LDB2: variants seen among roughly 807,000 people sequenced by gnomAD.
LDB2 encodes LIM domain binding 2, also known as LIM domain-binding protein 2.
LDB2 carries 12 observed loss-of-function variants against 44.3 expected under a neutral mutation model. That is an observed-to-expected ratio of 0.27 (90% CI 0.17 to 0.44). LDB2 has a LOEUF of 0.44. Among genes scored for constraint, LDB2 ranks in the 20% least tolerant of loss-of-function variants. The probability of loss-of-function intolerance (pLI) is 1.00; values close to 1 mark genes in which losing one functional copy is unlikely to be tolerated. For synonymous variants in LDB2, 164 were observed against 174.8 expected (o/e 0.94, Z 0.49); for missense variants, 344 against 473.5 (o/e 0.73, Z 2.54).
intron 1 of LDB2, among the ~76,000 whole-genome samples, chr4:16,896,168 A>G (rs13127571): frequency 0.055 from 8,424 of 152,276 alleles, 265 homozygotes; most frequent in African/African-American, 0.064. Flanking sequence ...AGGTTTAAAA[A>G]AATCTTTAAG....
intron 5 of LDB2, among the ~76,000 whole-genome samples, chr4:16,539,158 C>G (rs1484376634): frequency 3.3e-5 from 5 of 152,062 alleles, no homozygotes; most frequent in African/African-American, 7.2e-5. Context: ...TCAAGGAAAA[C>G]CTTTACAGAT....
intron 1 of LDB2, among the ~76,000 whole-genome samples, chr4:16,877,533 T>C (rs1172241445): frequency 6.6e-6 from 1 of 152,246 alleles, no homozygotes; most frequent in African/African-American, 2.4e-5. Flanking sequence ...CCAATACTTT[T>C]GAAGGTATTC....
At chr4:16,798,457 AG>A in intron 1 of LDB2, among the ~76,000 whole-genome samples, 1 of 152,352 alleles carries the variant, frequency 6.6e-6, no homozygotes, top group African/African-American at 2.4e-5. Flanking sequence ...CCAAGAAATA[AG>A]AGAAAAAATA....
At chr4:16,607,319 T>G (rs1449725954) in intron 2 of LDB2, among the ~76,000 whole-genome samples, 1 of 152,244 alleles carries the variant, frequency 6.6e-6, no homozygotes, top group Non-Finnish European at 1.5e-5. Context: ...TCATCTCTTC[T>G]GTTTTATCCA....
At chr4:16,660,025 A>G (rs1741113321) in intron 2 of LDB2, among the ~76,000 whole-genome samples, 1 of 152,176 alleles carries the variant, frequency 6.6e-6, no homozygotes, top group Admixed American at 6.5e-5. Context: ...GGGTACAGTT[A>G]GCAATGTCTG....
At chr4:16,672,296 C>T (rs1744975074) in intron 2 of LDB2, among the ~76,000 whole-genome samples, 1 of 152,180 alleles carries the variant, frequency 6.6e-6, no homozygotes, top group South Asian at 2.1e-4. Flanking sequence ...AGTCTAACCC[C>T]TAACTCTACT....
At chr4:16,776,978 C>T (rs1296919889) in intron 1 of LDB2, among the ~76,000 whole-genome samples, 1 of 152,160 alleles carries the variant, frequency 6.6e-6, no homozygotes, top group African/African-American at 2.4e-5. Context: ...CAATAACACC[C>T]CCTTCAGTTG....
chr4:16,578,373 T>C (rs1712720399), intron 5 of LDB2, among the ~76,000 whole-genome samples: 2 of 152,078 alleles, frequency 1.3e-5, no homozygotes, highest in Admixed American at 6.6e-5. Flanking sequence ...GATCTGATAA[T>C]CTGATTAAAA....
chr4:16,868,032 G>A lies in LDB2; in HGVS notation c.132+30322C>T, dbSNP rs377349936. On this transcript the variant is annotated intron_variant, in intron 1 of 7. Coordinates refer to ENST00000304523, the MANE Select transcript of LDB2 (RefSeq NM_001290.5). ...AGCCCAGAAAGATTGTCATTATAAAGCCCTACAGTAGTTACATATGCATTT... is the reference window on the plus strand; with the variant it reads ...AGCCCAGAAAGATTGTCATTATAAAACCCTACAGTAGTTACATATGCATTT... 7.2e-5 allele frequency among the ~76,000 whole-genome samples: 11 copies of A among 152,264 alleles called. No individual in the cohort carries two copies. In the East Asian group the frequency reaches 1.5e-3, roughly 21 times the overall value.
At chr4:16,722,595 C>A (rs780224425) in intron 2 of LDB2, among the ~76,000 whole-genome samples, 1 of 152,122 alleles carries the variant, frequency 6.6e-6, no homozygotes, top group Non-Finnish European at 1.5e-5. Flanking sequence ...AAGATGCCAT[C>A]GTATCCTAAA....
chr4:16,874,407 A>G (rs1717740930), intron 1 of LDB2, among the ~76,000 whole-genome samples: 1 of 152,226 alleles, frequency 6.6e-6, no homozygotes, highest in African/African-American at 2.4e-5. Flanking sequence ...CATGTTTTAC[A>G]ATTAGACTAT....
chr4:16,674,687 G>C (rs1475161346), intron 2 of LDB2, among the ~76,000 whole-genome samples: 1 of 152,060 alleles, frequency 6.6e-6, no homozygotes, highest in Non-Finnish European at 1.5e-5. Flanking sequence ...ACATCAGTTG[G>C]GATCTATGAA....
intron 2 of LDB2, among the ~76,000 whole-genome samples, chr4:16,723,625 T>C (rs192517431): frequency 2.4e-4 from 36 of 152,234 alleles, no homozygotes; most frequent in African/African-American, 8.2e-4. Context: ...AACTGTCTTC[T>C]CTTGATTTTA....
intron 2 of LDB2, among the ~76,000 whole-genome samples, chr4:16,727,940 G>A (rs943011775): frequency 2.6e-5 from 4 of 152,158 alleles, no homozygotes; most frequent in African/African-American, 9.7e-5. Context: ...AAGGTTTACA[G>A]TCTAACCATT....
At chr4:16,759,088 C>T (rs1767313648) in intron 2 of LDB2, 70 bp downstream of exon 2, 1 of 975,952 alleles carries the variant, frequency 1.0e-6, no homozygotes, top group Admixed American at 1.8e-5. Context: ...GTGCTATTCT[C>T]TGAAGACCCC....
chr4:16,578,429 A>T (rs1712757857), intron 5 of LDB2, among the ~76,000 whole-genome samples: 1 of 152,172 alleles, frequency 6.6e-6, no homozygotes, highest in South Asian at 2.1e-4. Context: ...GAGACATACA[A>T]ATGGCAAACA....
chr4:16,846,672 G>T (rs76341040), intron 1 of LDB2, among the ~76,000 whole-genome samples: 2,506 of 152,216 alleles, frequency 0.016, 74 homozygotes, highest in African/African-American at 0.057. Flanking sequence ...CTAAAAGCAG[G>T]TAGGGGAGAT....
intron 1 of LDB2, among the ~76,000 whole-genome samples, chr4:16,788,726 G>T (rs183905285): frequency 1.3e-4 from 20 of 152,352 alleles, no homozygotes; most frequent in African/African-American, 4.8e-4. Context: ...AGGTAGGAAA[G>T]AAGTGAGTTT....
chr4:16,673,086 C>T (rs1560833895), intron 2 of LDB2, among the ~76,000 whole-genome samples: 2 of 151,904 alleles, frequency 1.3e-5, no homozygotes, highest in Non-Finnish European at 2.9e-5. Context: ...ACTGAAGATT[C>T]TGGTTTGTGA....
Sources: gnomAD v4.1 joint callset for allele counts (sites outside exome capture counted in the v4.1 genomes callset) on GRCh38, gnomAD v4.1.1 for gene constraint, MANE v1.5 for transcripts, NCBI Gene and HGNC (gene_info 2026-07-23, HGNC 2026-07-21) for gene names.